Variants in STOML3 observed in about 807,000 individuals in gnomAD.
STOML3 encodes the protein stomatin like 3.
Under a neutral mutation model 29.5 loss-of-function variants are expected in STOML3, and 31 were observed. That is an observed-to-expected ratio of 1.05 (90% CI 0.79 to 1.42). The LOEUF (loss-of-function observed/expected upper bound fraction) is 1.42, where lower values mean the gene tolerates loss of function less well. STOML3 is among the 40% of genes most tolerant of loss of function. The pLI, the probability that STOML3 is intolerant of heterozygous loss-of-function variation, is 0.00. For synonymous variants in STOML3, 122 were observed against 139.8 expected (o/e 0.87, Z 0.90); for missense variants, 380 against 363.0 (o/e 1.05, Z -0.38).
intron 1 of STOML3, among the ~76,000 whole-genome samples, chr13:38,978,307 C>A (rs1881162191): frequency 6.6e-6 from 1 of 152,112 alleles, no homozygotes; most frequent in Non-Finnish European, 1.5e-5. Context: ...GCACCTGCCA[C>A]CACGCCTGGC....
chr13:38,988,915 AATAT>A (rs67430868), intron 1 of STOML3, among the ~76,000 whole-genome samples: 21,945 of 143,620 alleles, frequency 0.15, 2,146 homozygotes, highest in African/African-American at 0.27. Flanking sequence ...TAGAATACAT[AATAT>A]ATATACTATA....
intron 5 of STOML3, 44 bp downstream of exon 5, chr13:38,970,141 T>C: frequency 6.5e-7 from 1 of 1,547,894 alleles, no homozygotes; most frequent in Non-Finnish European, 8.8e-7. Flanking sequence ...ATAATTAAAA[T>C]TAACAAGTTA....
At chr13:38,970,466 C>T in intron 4 of STOML3, 78 bp from the exon 5 acceptor site, 3 of 1,215,004 alleles carry the variant, frequency 2.5e-6, no homozygotes, top group Non-Finnish European at 3.6e-6. Flanking sequence ...AGCCCAAGAG[C>T]CATCCTCCAC....
At chr13:38,975,539 G>T (rs368845894) in intron 3 of STOML3, among the ~76,000 whole-genome samples, 2 of 151,790 alleles carry the variant, frequency 1.3e-5, no homozygotes, top group African/African-American at 4.8e-5. Context: ...GCCATAATGG[G>T]GGCAGAAAGC....
At chr13:38,985,293 T>C (rs6563663) in intron 1 of STOML3, among the ~76,000 whole-genome samples, 53,494 of 151,854 alleles carry the variant, frequency 0.35, 12,127 homozygotes, top group African/African-American at 0.65. Context: ...TGTGGTGGCA[T>C]ACTCCTGTAA....
chr13:38,977,632 A>G lies in STOML3; in HGVS notation c.53-835T>C, dbSNP rs1400607353. Among the ~76,000 whole-genome samples the G allele has an allele frequency of 2.6e-5, 4 of 152,044 alleles. No homozygotes were observed. The East Asian group carries it at 7.7e-4, about 29-fold the overall frequency. ...AATCACACATTATGATAGCAGGTGC[A>G]TTTTGGCTTAATGAATATTGCTTTG... On this transcript the variant is annotated intron_variant, in intron 1 of 6. Coordinates refer to ENST00000379631, the MANE Select transcript of STOML3 (RefSeq NM_145286.3).
intron 4 of STOML3, among the ~76,000 whole-genome samples, 198 bp from the exon 5 acceptor site, chr13:38,970,586 C>T (rs898860588): frequency 2.0e-5 from 3 of 152,158 alleles, no homozygotes; most frequent in Admixed American, 6.5e-5. Context: ...TGTCATCATA[C>T]CTACCCCTGT....
chr13:38,976,237 G>A (rs1332312118), intron 3 of STOML3, among the ~76,000 whole-genome samples: 3 of 152,110 alleles, frequency 2.0e-5, no homozygotes, highest in African/African-American at 7.2e-5. Context: ...TTCTCCTGGT[G>A]GCCCTGGTAA....
intron 4 of STOML3, among the ~76,000 whole-genome samples, chr13:38,970,695 C>A (rs1200456141): frequency 6.6e-6 from 1 of 152,106 alleles, no homozygotes; most frequent in Non-Finnish European, 1.5e-5. Context: ...ACAGTACAGC[C>A]CTTGTGTCAT....
chr13:38,971,118 C>T (rs1048433367), intron 4 of STOML3, among the ~76,000 whole-genome samples: 29 of 152,068 alleles, frequency 1.9e-4, no homozygotes, highest in African/African-American at 7.0e-4. Context: ...CTGCAACCTC[C>T]GTCTCCCAGG....
At chr13:38,985,576 C>T (rs1300534855) in intron 1 of STOML3, among the ~76,000 whole-genome samples, 1 of 152,120 alleles carries the variant, frequency 6.6e-6, no homozygotes, top group African/African-American at 2.4e-5. Flanking sequence ...AATAAAAATA[C>T]TTCGTCCTTG....
At chr13:38,980,961 G>A (rs1252269348) in intron 1 of STOML3, among the ~76,000 whole-genome samples, 4 of 152,194 alleles carry the variant, frequency 2.6e-5, no homozygotes, top group African/African-American at 4.8e-5. Flanking sequence ...TTCCCCCTGT[G>A]TGTGGCTGTG....
chr13:38,967,241 A>G (rs1880690926), intron 6 of STOML3, among the ~76,000 whole-genome samples, 192 bp from the exon 7 acceptor site: 2 of 152,150 alleles, frequency 1.3e-5, no homozygotes, highest in Non-Finnish European at 2.9e-5. Flanking sequence ...TGCAGGAAGC[A>G]AGGAGGGATA....
chr13:38,984,995 C>G (rs928041942), intron 1 of STOML3, among the ~76,000 whole-genome samples: 1 of 152,084 alleles, frequency 6.6e-6, no homozygotes, highest in Non-Finnish European at 1.5e-5. Flanking sequence ...TTGGAAAGTC[C>G]TTGTATAGAA....
intron 1 of STOML3, among the ~76,000 whole-genome samples, chr13:38,986,809 C>G (rs897116187): frequency 1.3e-5 from 2 of 152,096 alleles, no homozygotes; most frequent in African/African-American, 4.8e-5. Context: ...TAAACCAGCT[C>G]ACAGGAGCTG....
intron 5 of STOML3, among the ~76,000 whole-genome samples, chr13:38,969,482 C>A (rs989864913): frequency 6.6e-6 from 1 of 152,164 alleles, no homozygotes; most frequent in African/African-American, 2.4e-5. Context: ...TCATGCAGAA[C>A]TCCTACTGCC....
intron 1 of STOML3, among the ~76,000 whole-genome samples, chr13:38,981,697 GA>G (rs1395652996): frequency 5.9e-5 from 9 of 152,028 alleles, no homozygotes; most frequent in African/African-American, 2.2e-4. Flanking sequence ...TCAAAAAAAT[GA>G]AAGTCAAAAC....
intron 3 of STOML3, among the ~76,000 whole-genome samples, chr13:38,973,096 TAAAAAAAAAAAAAAAAAAAAAAA>T (rs71074495): frequency 3.1e-5 from 1 of 32,554 alleles, no homozygotes; most frequent in African/African-American, 1.3e-4. Context: ...CCGTCTCTAC[TAAAAAAAAAAAAAAAAAAAAAAA>T]AAAAAAAAAA....
intron 1 of STOML3, among the ~76,000 whole-genome samples, chr13:38,982,969 T>C (rs1389724073): frequency 6.6e-6 from 1 of 152,184 alleles, no homozygotes; most frequent in East Asian, 1.9e-4. Context: ...TATCTGTCTG[T>C]TACCTTATAT....
Sources: gnomAD v4.1 joint callset for allele counts (sites outside exome capture counted in the v4.1 genomes callset) on GRCh38, gnomAD v4.1.1 for gene constraint, MANE v1.5 for transcripts, NCBI Gene and HGNC (gene_info 2026-07-23, HGNC 2026-07-21) for gene names.